Variants in DACH2 observed in about 807,000 individuals in gnomAD.
DACH2 encodes dachshund family transcription factor 2.
In DACH2, 17 loss-of-function variants were observed where a neutral mutation model predicts 35.8. That is an observed-to-expected ratio of 0.48 (90% confidence interval 0.33 to 0.71). DACH2 has a LOEUF of 0.71. Ranked by LOEUF, DACH2 falls within the 30% of genes least tolerant of loss-of-function variation. DACH2 has a pLI of 0.02. For synonymous variants in DACH2, 195 were observed against 177.3 expected, an observed-to-expected ratio of 1.10 and a Z score of -0.79; for missense variants, 469 against 472.7, an observed-to-expected ratio of 0.99 and a Z score of 0.07.
In DACH2 at chrX:86,465,796, C is replaced by T. The variant is rs151293178; in HGVS notation, c.528-48483C>T. Reference sequence around the variant, plus strand: ...TAATATGTTTGTTTTGCCTATATGCCATTGATTTTCTATACCATGACTCTT... The same window carrying T: ...TAATATGTTTGTTTTGCCTATATGCTATTGATTTTCTATACCATGACTCTT... On this transcript the variant is annotated intron_variant, in intron 2 of 11. Coordinates refer to ENST00000373125, the MANE Select transcript of DACH2 (RefSeq NM_053281.3). Among the ~76,000 whole-genome samples the T allele has an allele frequency of 3.9e-3, 431 of 111,650 alleles. 3 individuals are homozygous for T. Among genetic ancestry groups the T allele is most frequent in the Middle Eastern group, 0.014 (3 of 216 alleles).
At chrX:86,325,087 C>G (rs1354792544) in intron 1 of DACH2, among the ~76,000 whole-genome samples, 2 of 43,003 alleles carry the variant, frequency 4.7e-5, no homozygotes, top group Non-Finnish European at 7.2e-5. Context: ...TTTCTATGCA[C>G]TGGGAAAGAA....
intron 3 of DACH2, among the ~76,000 whole-genome samples, chrX:86,635,035 GAT>G (rs2040245256): frequency 9.1e-6 from 1 of 110,354 alleles, no homozygotes; most frequent in Admixed American, 9.6e-5. Flanking sequence ...GCATTATCCT[GAT>G]GCCAAAACCT....
At chrX:86,257,629 A>C (rs1224753846) in intron 1 of DACH2, among the ~76,000 whole-genome samples, 1 of 111,195 alleles carries the variant, frequency 9.0e-6, no homozygotes, top group Non-Finnish European at 1.9e-5. Context: ...GCTGGTCTCC[A>C]ACTCCTGGGG....
chrX:86,591,541 A>ACTTTT (rs1556329468), intron 3 of DACH2, among the ~76,000 whole-genome samples: 2 of 93,245 alleles, frequency 2.1e-5, no homozygotes, highest in African/African-American at 8.2e-5. Context: ...TTCTTTGGCT[A>ACTTTT]TTTTTTTTTT....
At position 86,832,397 on chromosome X, in the gene DACH2, T is replaced by G. The variant is rs1368411944; in HGVS notation, c.*242T>G. On this transcript the variant is annotated 3_prime_UTR_variant, in exon 12 of 12. Coordinates refer to ENST00000373125, the MANE Select transcript of DACH2 (RefSeq NM_053281.3). ...ATGAACTAAAACCTAATGGCTAAAG[T>G]AACTTGACCATATTTGATGCTTTTC... is the stretch of plus-strand genomic sequence containing the variant. 1 of 335,842 alleles carries G rather than the reference T, an allele frequency of 3.0e-6. No homozygotes were observed. Among genetic ancestry groups the G allele is most frequent in the Non-Finnish European group, 5.1e-6 (1 of 196,400 alleles). 27.7% of individuals were successfully genotyped at this position (335,842 alleles called of 1,213,427 possible).
At chrX:86,375,402 CAT>C (rs1229126475) in intron 1 of DACH2, among the ~76,000 whole-genome samples, 8 of 96,070 alleles carry the variant, frequency 8.3e-5, no homozygotes, top group African/African-American at 1.9e-4. Flanking sequence ...TATATATATA[CAT>C]ATATATATGT....
At chrX:86,733,768 A>C (rs1190413464) in intron 6 of DACH2, among the ~76,000 whole-genome samples, 1 of 111,404 alleles carries the variant, frequency 9.0e-6, no homozygotes, top group African/African-American at 3.3e-5. Context: ...TTGGCTGAGC[A>C]GCTGGCAATT....
rs569195447 is a variant in DACH2, at chrX:86,388,396, G to A, written c.527+11534G>A. Among the ~76,000 whole-genome samples the A allele has an allele frequency of 3.6e-5, 4 of 111,797 alleles. No individual in the cohort carries two copies. The South Asian group carries it at 1.5e-3, about 42-fold the overall frequency. On this transcript the variant is annotated intron_variant, in intron 2 of 11. Transcript: ENST00000373125. ...GCCCTGTTAAGCAATATATTTTGGT[G>A]AGAATAGTTTGGAGATAGTAATAGG...
At chrX:86,719,194 G>C (rs189957692) in intron 6 of DACH2, among the ~76,000 whole-genome samples, 2 of 111,466 alleles carry the variant, frequency 1.8e-5, no homozygotes, top group Admixed American at 1.9e-4. Context: ...TTACCTCTTT[G>C]GCTAAAATTA....
At chrX:86,557,234 C>G (rs1173188858) in intron 3 of DACH2, among the ~76,000 whole-genome samples, 1 of 111,248 alleles carries the variant, frequency 9.0e-6, no homozygotes, top group African/African-American at 3.3e-5. Context: ...TAAACTTTTC[C>G]TGAAACACCC....
chrX:86,771,281 C>T (rs1319251354), intron 7 of DACH2, among the ~76,000 whole-genome samples: 1 of 112,396 alleles, frequency 8.9e-6, no homozygotes, highest in Non-Finnish European at 1.9e-5. Flanking sequence ...AATGATACTC[C>T]ATGTTTAACT....
intron 6 of DACH2, among the ~76,000 whole-genome samples, chrX:86,715,009 C>G (rs1048207955): frequency 9.0e-6 from 1 of 111,575 alleles, no homozygotes. Flanking sequence ...GAAGAGTGTG[C>G]AAAAACCATT....
chrX:86,432,448 A>G (rs777568870), intron 2 of DACH2, among the ~76,000 whole-genome samples: 11 of 112,183 alleles, frequency 9.8e-5, no homozygotes, highest in Non-Finnish European at 1.5e-4. Flanking sequence ...CCATTAGTAA[A>G]TGCTGTTATG....
chrX:86,514,453 C>A, intron 3 of DACH2, 62 bp downstream of exon 3: 1 of 999,282 alleles, frequency 1.0e-6, no homozygotes, highest in Non-Finnish European at 1.4e-6. Context: ...TTGAAATAAA[C>A]CAATATTGAT....
chrX:86,163,274 C>T (rs745689816), intron 1 of DACH2, among the ~76,000 whole-genome samples: 1 of 110,828 alleles, frequency 9.0e-6, no homozygotes, highest in Admixed American at 9.6e-5. Context: ...TTTTAAGATC[C>T]CACAAATAAG....
intron 7 of DACH2, among the ~76,000 whole-genome samples, chrX:86,776,324 TCTCAC>T (rs1221293148): frequency 9.0e-6 from 1 of 111,499 alleles, no homozygotes; most frequent in African/African-American, 3.3e-5. Flanking sequence ...AGATATTGAA[TCTCAC>T]TTGTAAGTGC....
chrX:86,323,756 A>C (rs2035060442), intron 1 of DACH2, among the ~76,000 whole-genome samples: 1 of 111,163 alleles, frequency 9.0e-6, no homozygotes, highest in Non-Finnish European at 1.9e-5. Flanking sequence ...TTCTCCATTA[A>C]AGGAAACTTG....
At chrX:86,490,267 T>C (rs2038076163) in intron 2 of DACH2, among the ~76,000 whole-genome samples, 1 of 111,723 alleles carries the variant, frequency 9.0e-6, no homozygotes, top group African/African-American at 3.2e-5. Flanking sequence ...TTTGCCTTAT[T>C]GGGTCAACAT....
chrX:86,601,464 C>T (rs1263657623), intron 3 of DACH2, among the ~76,000 whole-genome samples: 1 of 111,420 alleles, frequency 9.0e-6, no homozygotes, highest in Non-Finnish European at 1.9e-5. Context: ...GCATTGTACA[C>T]TGAAATAGCT....
Sources: allele counts gnomAD v4.1 joint callset (sites outside exome capture counted in the v4.1 genomes callset), GRCh38; gene constraint gnomAD v4.1.1; transcripts MANE v1.5; gene names NCBI Gene and HGNC (gene_info 2026-07-23, HGNC 2026-07-21).